Variants in CNKSR3 observed in about 807,000 individuals in gnomAD.
CNKSR3 encodes CNKSR family member 3.
In CNKSR3, 36 loss-of-function variants were observed where a neutral mutation model predicts 67.7. The ratio of observed to expected loss-of-function variants is 0.53; its 90% CI spans 0.41 to 0.70. The LOEUF (loss-of-function observed/expected upper bound fraction) is 0.70, where lower values mean the gene tolerates loss of function less well. CNKSR3 is among the 30% of genes least tolerant of loss of function. CNKSR3 has a pLI of 0.00. For missense variants in CNKSR3, 630 were observed against 695.2 expected, an observed-to-expected ratio of 0.91 and a Z score of 1.05; for synonymous variants, 281 against 271.4, an observed-to-expected ratio of 1.04 and a Z score of -0.35.
chr6:154,412,373 A>G (rs952789407), intron 10 of CNKSR3, among the ~76,000 whole-genome samples: 1 of 152,168 alleles, frequency 6.6e-6, no homozygotes, highest in Non-Finnish European at 1.5e-5. Flanking sequence ...CGAGCAGTTT[A>G]ATCCAGCTCT....
chr6:154,422,729 G>A, intron 8 of CNKSR3, 77 bp from the exon 9 acceptor site: 1 of 1,505,014 alleles, frequency 6.6e-7, no homozygotes, highest in Non-Finnish European at 9.2e-7. Context: ...TTTATCTCAG[G>A]GCAGTCAGGG....
At chr6:154,499,872 G>T (rs1402501989) in intron 1 of CNKSR3, among the ~76,000 whole-genome samples, 1 of 152,176 alleles carries the variant, frequency 6.6e-6, no homozygotes, top group East Asian at 1.9e-4. Flanking sequence ...AATTGGCCTG[G>T]GGTGCTTAGA....
At chr6:154,444,962 G>A (rs1053341123) in intron 2 of CNKSR3, among the ~76,000 whole-genome samples, 134 of 152,064 alleles carry the variant, frequency 8.8e-4, no homozygotes, top group African/African-American at 2.9e-3. Flanking sequence ...GGCAAGTCAC[G>A]TGTCAAAATC....
At chr6:154,470,105 C>T (rs1043621251) in intron 1 of CNKSR3, among the ~76,000 whole-genome samples, 1 of 151,170 alleles carries the variant, frequency 6.6e-6, no homozygotes, top group South Asian at 2.1e-4. Context: ...TTTCCATCAC[C>T]CCAAAAAGAA....
intron 1 of CNKSR3, among the ~76,000 whole-genome samples, chr6:154,481,088 G>A (rs1324535597): frequency 1.3e-5 from 2 of 150,378 alleles, no homozygotes; most frequent in South Asian, 2.1e-4. Flanking sequence ...ATGCTTATTC[G>A]ATATTTATTT....
intron 1 of CNKSR3, among the ~76,000 whole-genome samples, chr6:154,498,461 G>C (rs759455867): frequency 3.0e-4 from 46 of 152,042 alleles, no homozygotes; most frequent in Admixed American, 1.7e-3. Flanking sequence ...AAAATCAGAA[G>C]CTCTGGAAAC....
At chr6:154,507,756 T>C (rs1389206134) in intron 1 of CNKSR3, among the ~76,000 whole-genome samples, 1 of 152,162 alleles carries the variant, frequency 6.6e-6, no homozygotes, top group African/African-American at 2.4e-5. Flanking sequence ...GTAAGTATCG[T>C]AGGTATTGAG....
At chr6:154,436,992 G>C (rs367879673) in intron 4 of CNKSR3, among the ~76,000 whole-genome samples, 1 of 152,122 alleles carries the variant, frequency 6.6e-6, no homozygotes, top group Non-Finnish European at 1.5e-5. Context: ...TGGAAGGAAG[G>C]ATGCAGAGAT....
At chr6:154,461,338 A>G (rs1786076009) in intron 1 of CNKSR3, among the ~76,000 whole-genome samples, 2 of 152,204 alleles carry the variant, frequency 1.3e-5, no homozygotes, top group Non-Finnish European at 2.9e-5. Context: ...TAATGTGCAG[A>G]GTCCATTACT....
At chr6:154,425,287 T>C (rs1354694349) in intron 7 of CNKSR3, among the ~76,000 whole-genome samples, 1 of 152,214 alleles carries the variant, frequency 6.6e-6, no homozygotes, top group Non-Finnish European at 1.5e-5. Flanking sequence ...TGTCTCTAGA[T>C]GTGTAATCTT....
At chr6:154,465,140 CAAA>C (rs59986165) in intron 1 of CNKSR3, among the ~76,000 whole-genome samples, 230 of 69,054 alleles carry the variant, frequency 3.3e-3, no homozygotes, top group Middle Eastern at 7.9e-3. Context: ...GATTCTGTCT[CAAA>C]AAAAAAAAAA....
intron 4 of CNKSR3, among the ~76,000 whole-genome samples, chr6:154,435,069 A>C (rs1785444215): frequency 6.8e-6 from 1 of 146,840 alleles, no homozygotes; most frequent in Non-Finnish European, 1.5e-5. Flanking sequence ...ATCTCAGCTC[A>C]CCGGCAGCCT....
intron 1 of CNKSR3, among the ~76,000 whole-genome samples, chr6:154,476,994 A>G (rs1214368316): frequency 1.3e-5 from 2 of 152,216 alleles, no homozygotes; most frequent in Admixed American, 6.5e-5. Flanking sequence ...CATCATATCA[A>G]TTCTCTCAGA....
chr6:154,425,276 C>T (rs1454789433), intron 7 of CNKSR3, among the ~76,000 whole-genome samples: 1 of 152,228 alleles, frequency 6.6e-6, no homozygotes, highest in African/African-American at 2.4e-5. Flanking sequence ...TAGGAAGTCC[C>T]TGTCTCTAGA....
chr6:154,454,104 C>CAGAGAGAGAG (rs71021054), intron 1 of CNKSR3, among the ~76,000 whole-genome samples: 16 of 116,322 alleles, frequency 1.4e-4, no homozygotes, highest in South Asian at 3.1e-4. Context: ...CACACACACA[C>CAGAGAGAGAG]AGAGAGAGAG....
intron 1 of CNKSR3, among the ~76,000 whole-genome samples, chr6:154,506,727 C>G (rs7768635): frequency 6.6e-6 from 1 of 152,146 alleles, no homozygotes. Flanking sequence ...TAACCCTACA[C>G]GTTGTAAAAG....
chr6:154,498,194 A>G (rs939219008), intron 1 of CNKSR3, among the ~76,000 whole-genome samples: 1 of 152,202 alleles, frequency 6.6e-6, no homozygotes, highest in Non-Finnish European at 1.5e-5. Context: ...AACAAATTAT[A>G]CATTAAAAAA....
At chr6:154,484,476 C>T (rs552201033) in intron 1 of CNKSR3, among the ~76,000 whole-genome samples, 1 of 152,206 alleles carries the variant, frequency 6.6e-6, no homozygotes, top group South Asian at 2.1e-4. Flanking sequence ...CAGGCCAAGG[C>T]GGGCAGATCA....
chr6:154,456,707 C>CAAAAA (rs10536163), intron 1 of CNKSR3, among the ~76,000 whole-genome samples: 1 of 45,372 alleles, frequency 2.2e-5, no homozygotes. Flanking sequence ...AACTCTGTCT[C>CAAAAA]AAAAAAAAAA....
Sources: allele counts gnomAD v4.1 joint callset (sites outside exome capture counted in the v4.1 genomes callset), GRCh38; gene constraint gnomAD v4.1.1; transcripts MANE v1.5; gene names NCBI Gene and HGNC (gene_info 2026-07-23, HGNC 2026-07-21).